SCAF8: variants seen among roughly 807,000 people sequenced by gnomAD.
SCAF8 encodes SR-related CTD associated factor 8, also known as SR-related and CTD-associated factor 8.
A neutral mutation model predicts 140.5 loss-of-function variants in SCAF8; 23 were observed. That is an observed-to-expected ratio of 0.16 (90% CI 0.12 to 0.23). The LOEUF is 0.23. SCAF8 is among the 10% of genes least tolerant of loss of function. The pLI is 1.00. For synonymous variants in SCAF8, 575 were observed against 528.9 expected, an observed-to-expected ratio of 1.09 and a Z score of -1.20; for missense variants, 1,397 against 1,555.7, an observed-to-expected ratio of 0.90 and a Z score of 1.72.
chr6:154,768,393 A>G (rs527609642), intron 1 of SCAF8, among the ~76,000 whole-genome samples: 1 of 152,344 alleles, frequency 6.6e-6, no homozygotes, highest in South Asian at 2.1e-4. Context: ...ATTTTTTACT[A>G]TGATATGCAA....
At chr6:154,801,920 T>C (rs1354454301) in intron 6 of SCAF8, 51 bp from the exon 7 acceptor site, 15 of 1,385,464 alleles carry the variant, frequency 1.1e-5, no homozygotes, top group African/African-American at 1.5e-5. Context: ...TGGCCACTCT[T>C]ACAGAAAAAA....
In SCAF8 at chr6:154,749,678, AG is replaced by A. The variant is rs528018718; in HGVS notation, c.30+15751del. ...GAAATTGCAGCTTTGGGTAGGGGAT[AG>A]GGTAGGGAGGAGTGATTGGATAATT... On this transcript the variant is annotated intron_variant, in intron 1 of 19. Transcript: ENST00000367178. 1.9e-3 allele frequency among the ~76,000 whole-genome samples: 295 copies of A among 152,274 alleles called. 1 individual carries two copies. Among genetic ancestry groups the A allele is most frequent in the African/African-American group, 6.6e-3 (275 of 41,560 alleles).
chr6:154,738,655 G>A lies in SCAF8; in HGVS notation c.30+4725G>A, dbSNP rs114516686. On this transcript the variant is annotated intron_variant, in intron 1 of 19. Transcript: ENST00000367178. ...GAGCAGTTAACCATAAGAGAATTAT[G>A]AGTGCAAGCTATTGCAGTTGCTGCT... Among the ~76,000 whole-genome samples, 456 of 152,334 alleles carry A rather than the reference G, an allele frequency of 3.0e-3. 4 individuals carry two copies. Among genetic ancestry groups the A allele is most frequent in the African/African-American group, 0.011 (444 of 41,578 alleles).
chr6:154,770,679 A>G (rs905256510), intron 1 of SCAF8, among the ~76,000 whole-genome samples: 3 of 152,182 alleles, frequency 2.0e-5, no homozygotes, highest in Admixed American at 6.6e-5. Flanking sequence ...TTAAGGAGGA[A>G]GCATGTTTGC....
Position 154,771,323 on chromosome 6 carries a change from A to G in SCAF8, c.31-2666A>G, listed in dbSNP as rs530170538. Among the ~76,000 whole-genome samples, 40 of 152,280 alleles carry G rather than the reference A, an allele frequency of 2.6e-4. No individual in the cohort carries two copies. The South Asian group carries it at 7.3e-3, about 28-fold the overall frequency. On this transcript the variant is annotated intron_variant, in intron 1 of 19. Transcript: ENST00000367178. ...TAAGATGGATGGGTATGCATTAACT[A>G]TTGGAGAGACCCTGGTAGAGAGTAT...
chr6:154,779,320 A>G (rs1369896480), intron 3 of SCAF8, among the ~76,000 whole-genome samples: 1 of 152,226 alleles, frequency 6.6e-6, no homozygotes, highest in Non-Finnish European at 1.5e-5. Flanking sequence ...TATAGGCGTG[A>G]GCCACTGCGC....
intron 1 of SCAF8, among the ~76,000 whole-genome samples, chr6:154,743,159 C>G (rs961455199): frequency 6.6e-6 from 1 of 152,180 alleles, no homozygotes; most frequent in African/African-American, 2.4e-5. Flanking sequence ...GCAGCCTGAT[C>G]CGTTCTTAGC....
At chr6:154,815,974 G>C (rs1478185705) in intron 13 of SCAF8, among the ~76,000 whole-genome samples, 158 bp downstream of exon 13, 1 of 152,052 alleles carries the variant, frequency 6.6e-6, no homozygotes, top group Non-Finnish European at 1.5e-5. Context: ...TGTTTATTTT[G>C]GTGCTGTTTC....
At position 154,733,884 on chromosome 6, in the gene SCAF8, G is replaced by C; in HGVS notation, c.-17G>C. 6.5e-7 allele frequency: 1 copy of C among 1,543,858 alleles called. No individual in the cohort carries two copies. The highest frequency in any genetic ancestry group is 8.7e-7 in the Non-Finnish European group (1 of 1,150,644). ...CGCCTCTTCCGCCGCCGGGCTCGGGGCCTCCGCAGCGACAACATGGAGGCC... is the reference window on the plus strand; with the variant it reads ...CGCCTCTTCCGCCGCCGGGCTCGGGCCCTCCGCAGCGACAACATGGAGGCC... On this transcript the variant is annotated 5_prime_UTR_variant, in exon 1 of 20. Transcript: ENST00000367178.
At chr6:154,778,399 AAGTT>A (rs1776976382) in intron 3 of SCAF8, among the ~76,000 whole-genome samples, 1 of 152,208 alleles carries the variant, frequency 6.6e-6, no homozygotes, top group South Asian at 2.1e-4. Flanking sequence ...AACTTTGAAT[AAGTT>A]AGTTAGCCTT....
intron 1 of SCAF8, among the ~76,000 whole-genome samples, chr6:154,762,316 C>T (rs1776429088): frequency 6.6e-6 from 1 of 152,150 alleles, no homozygotes; most frequent in South Asian, 2.1e-4. Context: ...AACTTCGGGC[C>T]CTCTTCCAAA....
At position 154,773,650 on chromosome 6, in the gene SCAF8, T is replaced by TA. The variant is rs1179392111; in HGVS notation, c.31-338dup. ...CCTAGAAGTGGAATTGGCTGGGTCT[T>TA]ACGTTAACTGTGTTTAATCTTTTGA... On this transcript the variant is annotated intron_variant, in intron 1 of 19. Transcript: ENST00000367178. Among the ~76,000 whole-genome samples the TA allele has an allele frequency of 2.0e-5, 3 of 152,230 alleles. No individual in the cohort carries two copies. In the South Asian group the frequency reaches 6.2e-4, roughly 31 times the overall value.
intron 18 of SCAF8, among the ~76,000 whole-genome samples, chr6:154,829,933 C>T (rs970597994): frequency 6.6e-6 from 1 of 152,120 alleles, no homozygotes; most frequent in Non-Finnish European, 1.5e-5. Context: ...AAAAGTCTTT[C>T]TTTTTGTTAT....
intron 6 of SCAF8, among the ~76,000 whole-genome samples, chr6:154,800,573 C>G (rs183526779): frequency 4.6e-5 from 7 of 151,460 alleles, no homozygotes; most frequent in African/African-American, 1.7e-4. Context: ...CTTAACAGTA[C>G]TTTACATGGA....
intron 6 of SCAF8, among the ~76,000 whole-genome samples, chr6:154,798,690 C>T (rs867676584): frequency 6.6e-6 from 1 of 151,452 alleles, no homozygotes; most frequent in Non-Finnish European, 1.5e-5. Context: ...ACAGTCTGTT[C>T]TCAATACTTC....
chr6:154,751,459 C>A (rs1162114272), intron 1 of SCAF8, among the ~76,000 whole-genome samples: 1 of 152,090 alleles, frequency 6.6e-6, no homozygotes, highest in African/African-American at 2.4e-5. Flanking sequence ...AACTCCCTAC[C>A]TCAGGTGATC....
intron 1 of SCAF8, among the ~76,000 whole-genome samples, chr6:154,736,429 C>G (rs1452365516): frequency 1.3e-5 from 2 of 151,962 alleles, no homozygotes; most frequent in Non-Finnish European, 2.9e-5. Context: ...CACCGCCATG[C>G]CCAGCTAGTT....
At position 154,822,440 on chromosome 6, in the gene SCAF8, T is replaced by G. The variant is rs767405534; in HGVS notation, c.1926+31T>G. 5.7e-6 allele frequency: 9 copies of G among 1,572,920 alleles called. No homozygotes were observed. The East Asian group carries it at 2.0e-4, about 35-fold the overall frequency. The stretch of plus-strand genomic sequence containing the variant: ...TGTTGAAGTGGGGTTTTTTTTTTCT[T>G]GTGTTGTTTTACATTTCTGTTTTTA... On this transcript the variant is annotated intron_variant, in intron 16 of 19. Coordinates refer to ENST00000367178, the MANE Select transcript of SCAF8 (RefSeq NM_014892.5).
intron 3 of SCAF8, among the ~76,000 whole-genome samples, chr6:154,781,395 G>A (rs1383349314): frequency 2.6e-5 from 4 of 152,114 alleles, no homozygotes; most frequent in African/African-American, 4.8e-5. Flanking sequence ...AATCAATATC[G>A]TGAACATGGC....
Sources: allele counts gnomAD v4.1 joint callset (sites outside exome capture counted in the v4.1 genomes callset), GRCh38; gene constraint gnomAD v4.1.1; transcripts MANE v1.5; gene names NCBI Gene and HGNC (gene_info 2026-07-23, HGNC 2026-07-21).